Variants in MAT1A observed in about 807,000 individuals in gnomAD.
The protein encoded by MAT1A is methionine adenosyltransferase 1A.
Under a neutral mutation model 44.0 loss-of-function variants are expected in MAT1A, and 19 were observed. The observed-to-expected ratio is 0.43, with a 90% CI of 0.30 to 0.63. MAT1A has a LOEUF of 0.63. Ranked by LOEUF, MAT1A falls within the 30% of genes least tolerant of loss-of-function variation. The pLI is 0.12. For missense variants in MAT1A, 397 were observed against 531.0 expected (o/e 0.75, Z 2.48); for synonymous variants, 205 against 205.6 (o/e 1.00, Z 0.03).
chr10:80,276,535 G>A lies in MAT1A; in HGVS notation c.609C>T (p.Ile203=), dbSNP rs748120797. The stretch of plus-strand genomic sequence containing the variant: ...CTTCGTTGTGCTGCACAGAGATGAC[G>A]ATGGTGTGGATGCGCACAGGGATGA... ...GAVIPVRIHT[I]VISVQHNEDI... The change falls in exon 6 of 9, where the codon ATC becomes ATT. Residue 203 remains isoleucine (I), a synonymous_variant. Transcript: ENST00000372213. 8.7e-6 allele frequency: 14 copies of A among 1,613,824 alleles called. No homozygotes were observed. Among genetic ancestry groups the A allele is most frequent in the Admixed American group, 6.7e-5 (4 of 60,014 alleles).
At position 80,274,609 on chromosome 10, in the gene MAT1A, G is replaced by A. The variant is rs374977036; in HGVS notation, c.996C>T (p.Ile332=). ...IGVAEPLSIS[I]FTYGTSQKTE... ...TCTTCTGAGAGGTTCCGTAGGTGAA[G>A]ATGGAAATGGACAGCGGCTCGGCCA... Residue 332 remains isoleucine, a synonymous_variant, in exon 8 of 9, where the codon ATC becomes ATT. Coordinates refer to ENST00000372213, the MANE Select transcript of MAT1A (RefSeq NM_000429.3). The A allele has an allele frequency of 6.2e-7, 1 of 1,614,238 alleles. No individual in the cohort carries two copies.
chr10:80,273,829 G>A lies in MAT1A; in HGVS notation c.1140C>T (p.Phe380=), dbSNP rs368336046. 8.7e-5 allele frequency: 140 copies of A among 1,613,818 alleles called. 1 individual carries two copies. The highest frequency in any genetic ancestry group is 2.9e-4 in the East Asian group (13 of 44,888). Residue 380 remains phenylalanine, a synonymous_variant, in exon 9 of 9, where the codon TTC becomes TTT. Coordinates refer to ENST00000372213, the MANE Select transcript of MAT1A (RefSeq NM_000429.3). ...CCTCCCATGGGAACTCGCTTCTTCC[G>A]AAATGGCCGTAGCATGCTGTCTTCT... The part of the protein sequence containing the change: ...IYQKTACYGH[F]GRSEFPWEVP...
At chr10:80,288,838 T>C (rs575672143) in intron 1 of MAT1A, among the ~76,000 whole-genome samples, 14 of 152,232 alleles carry the variant, frequency 9.2e-5, no homozygotes, top group Non-Finnish European at 1.6e-4. Context: ...GCATGTGTCA[T>C]ACTCTTAGCC....
rs1210450930 is a variant in MAT1A, at chr10:80,276,508, G to A, written c.636C>T (p.Asp212=). 4 of 1,614,058 alleles carry A rather than the reference G, an allele frequency of 2.5e-6. No homozygotes were observed. The highest frequency in any genetic ancestry group is 1.3e-5 in the African/African-American group (1 of 74,956). Residue 212 remains aspartate (D), a synonymous_variant, in exon 6 of 9, where the codon GAC becomes GAT. Coordinates refer to ENST00000372213, the MANE Select transcript of MAT1A (RefSeq NM_000429.3). ...TIVISVQHNE[D]ITLEEMRRAL... ...CCCTGCGCATCTCCTCCAGCGTGAT[G>A]TCTTCGTTGTGCTGCACAGAGATGA...
In MAT1A at chr10:80,289,634, T is replaced by A; in HGVS notation, c.-211A>T. 1 of 604,824 alleles carries A rather than the reference T, an allele frequency of 1.7e-6. No individual in the cohort carries two copies. The highest frequency in any genetic ancestry group is 3.0e-6 in the Non-Finnish European group (1 of 333,466). The allele number at this position is 604,824 out of a possible 1,614,324, so 37.5% of individuals were successfully genotyped here. On this transcript the variant is annotated 5_prime_UTR_variant, in exon 1 of 9. Transcript: ENST00000372213. ...GGGAGGGAGTGGATGGAACACGGGA[T>A]GTGTCCCTCCCTCCAGCTTGCCACA...
In MAT1A at chr10:80,278,502, C is replaced by T. The variant is rs866007316; in HGVS notation, c.549+1671G>A. ...CCAGTCCAGGACAGGACAGGCAGGC[C>T]GACATCATGGGCCCCTTTCTTTGGG... On this transcript the variant is annotated intron_variant, in intron 5 of 8. Transcript: ENST00000372213. Among the ~76,000 whole-genome samples, 7 of 152,278 alleles carry T rather than the reference C, an allele frequency of 4.6e-5. No individual in the cohort carries two copies. In the South Asian group the frequency reaches 1.4e-3, roughly 32 times the overall value.
intron 5 of MAT1A, among the ~76,000 whole-genome samples, chr10:80,279,923 T>C (rs575591033): frequency 1.3e-5 from 2 of 152,134 alleles, no homozygotes; most frequent in African/African-American, 4.8e-5. Context: ...TGTTTACTAA[T>C]GAGCAAACAA....
At chr10:80,276,355 C>T (rs182781204) in intron 6 of MAT1A, 21 bp downstream of exon 6, 89 of 1,612,656 alleles carry the variant, frequency 5.5e-5, no homozygotes, top group East Asian at 6.7e-5. Context: ...ACCAGGGCTT[C>T]GTTCAGAGAC....
At position 80,289,473 on chromosome 10, in the gene MAT1A, T is replaced by A; in HGVS notation, c.-50A>T. On this transcript the variant is annotated 5_prime_UTR_variant, in exon 1 of 9. Coordinates refer to ENST00000372213, the MANE Select transcript of MAT1A (RefSeq NM_000429.3). Reference sequence around the variant, plus strand: ...TTCTTTCAGTGAACAATTTTGAGGCTGTGACTTTGCCTGAGTTTTTTTTTC... The same window carrying A: ...TTCTTTCAGTGAACAATTTTGAGGCAGTGACTTTGCCTGAGTTTTTTTTTC... 1 of 1,455,406 alleles carries A rather than the reference T, an allele frequency of 6.9e-7. No individual in the cohort carries two copies. Among genetic ancestry groups the A allele is most frequent in the South Asian group, 1.1e-5 (1 of 87,636 alleles). 90.2% of individuals were successfully genotyped at this position (1,455,406 alleles called of 1,614,324 possible).
At position 80,289,549 on chromosome 10, in the gene MAT1A, G is replaced by A. The variant is rs1325931577; in HGVS notation, c.-126C>T. On this transcript the variant is annotated 5_prime_UTR_variant, in exon 1 of 9. Coordinates refer to ENST00000372213, the MANE Select transcript of MAT1A (RefSeq NM_000429.3). ...ACAGGCTTGTCTTTGGCAGAGCCACGGGGATCACTTCTGCCTAACTGCCTG... is the reference window on the plus strand; with the variant it reads ...ACAGGCTTGTCTTTGGCAGAGCCACAGGGATCACTTCTGCCTAACTGCCTG... 10 of 751,112 alleles carry A rather than the reference G, an allele frequency of 1.3e-5. No homozygotes were observed. Among genetic ancestry groups the A allele is most frequent in the Non-Finnish European group, 2.1e-5 (9 of 423,562 alleles). 46.5% of individuals were successfully genotyped at this position (751,112 alleles called of 1,614,324 possible).
rs1841670115 is a variant in MAT1A at position 80,288,070 on chromosome 10, GC to G, written c.91+1262del. ...AACTGCCACCAGTCAAAAACCACTG[GC>G]TAAAGTATATGGAAGGAGTAGTGCA... On this transcript the variant is annotated intron_variant, in intron 1 of 8. Transcript: ENST00000372213. 2.0e-5 allele frequency among the ~76,000 whole-genome samples: 3 copies of G among 152,282 alleles called. No homozygotes were observed. The East Asian group carries it at 5.8e-4, about 29-fold the overall frequency.
At chr10:80,281,415 C>G (rs534059566) in intron 3 of MAT1A, among the ~76,000 whole-genome samples, 2 of 152,258 alleles carry the variant, frequency 1.3e-5, no homozygotes, top group East Asian at 3.9e-4. Context: ...GCACAGGGTG[C>G]AGGCCTGCTA....
chr10:80,285,712 CT>C, intron 1 of MAT1A, 123 bp from the exon 2 acceptor site: 2 of 711,782 alleles, frequency 2.8e-6, no homozygotes, highest in East Asian at 2.7e-5. Flanking sequence ...AGGGAAAACA[CT>C]TTTTTTAAGT....
chr10:80,279,884 GT>G (rs1841539030), intron 5 of MAT1A, among the ~76,000 whole-genome samples: 1 of 152,060 alleles, frequency 6.6e-6, no homozygotes, highest in Admixed American at 6.6e-5. Flanking sequence ...AAGTATGTTT[GT>G]GGCAGGATTT....
chr10:80,276,796 T>C (rs1841492046), intron 5 of MAT1A, among the ~76,000 whole-genome samples: 1 of 152,232 alleles, frequency 6.6e-6, no homozygotes, highest in South Asian at 2.1e-4. Context: ...GGACTGGGTG[T>C]AAGGCCCAGC....
In MAT1A at chr10:80,276,640, G is replaced by GGCTGAT. The variant is rs1316643080; in HGVS notation, c.550-47_550-46insATCAGC. ...GGAGATACTGTGAGGCTGAGGCTGA[G>GGCTGAT]CGAACGGCACATCGTGGCCAGACAC... On this transcript the variant is annotated intron_variant, in intron 5 of 8. Coordinates refer to ENST00000372213, the MANE Select transcript of MAT1A (RefSeq NM_000429.3). 1.9e-6 allele frequency: 3 copies of GGCTGAT among 1,587,788 alleles called. No individual in the cohort carries two copies. The Admixed American group carries it at 5.0e-5, about 26-fold the overall frequency.
Position 80,273,793 on chromosome 10 carries a change from C to A in MAT1A, c.1176G>T (p.Lys392Asn). The change falls in exon 9 of 9, where the codon AAG (lysine) becomes AAT (asparagine). Residue 392 changes from lysine (K) to asparagine (N), a missense_variant. Transcript: ENST00000372213. ...GCTCCCCCTGGCTCTAAAATACAAG[C>A]TTCCTGGGAACCTCCCATGGGAACT... is the stretch of plus-strand genomic sequence containing the variant. ...RSEFPWEVPRKLVF is the reference protein window; with the variant it reads ...RSEFPWEVPRNLVF 6.2e-7 allele frequency: 1 copy of A among 1,612,598 alleles called. No individual in the cohort carries two copies. Among genetic ancestry groups the A allele is most frequent in the Non-Finnish European group, 8.5e-7 (1 of 1,178,900 alleles).
intron 7 of MAT1A, 126 bp from the exon 8 acceptor site, chr10:80,274,779 C>A (rs1841459808): frequency 9.5e-6 from 13 of 1,363,462 alleles, no homozygotes; most frequent in South Asian, 1.2e-5. Flanking sequence ...TGCTCCCCTG[C>A]AATTTTCCTG....
At chr10:80,275,234 G>C in intron 6 of MAT1A, 35 bp from the exon 7 acceptor site, 1 of 1,585,434 alleles carries the variant, frequency 6.3e-7, no homozygotes, top group Non-Finnish European at 8.6e-7. Context: ...AAGAAGCAGA[G>C]CCAGCCCCTA....
Sources: gnomAD v4.1 joint callset for allele counts (sites outside exome capture counted in the v4.1 genomes callset) on GRCh38, gnomAD v4.1.1 for gene constraint, MANE v1.5 for transcripts, NCBI Gene and HGNC (gene_info 2026-07-23, HGNC 2026-07-21) for gene names.